Variants in SORCS2 observed in about 807,000 individuals in gnomAD.
The protein encoded by SORCS2 is VPS10 domain-containing receptor SorCS2.
SORCS2 carries 100 observed loss-of-function variants against 141.6 expected under a neutral mutation model. The ratio of observed to expected loss-of-function variants is 0.71; its 90% CI spans 0.60 to 0.83. The LOEUF (loss-of-function observed/expected upper bound fraction) is 0.83, where lower values mean the gene tolerates loss of function less well. Ranked by LOEUF, SORCS2 falls within the 40% of genes least tolerant of loss-of-function variation. The probability of loss-of-function intolerance (pLI) is 0.00; values close to 1 mark genes in which losing one functional copy is unlikely to be tolerated. For synonymous variants in SORCS2, 789 were observed against 676.9 expected, an observed-to-expected ratio of 1.17 and a Z score of -2.57; for missense variants, 1,646 against 1,560.2, an observed-to-expected ratio of 1.05 and a Z score of -0.93.
chr4:7,198,419 G>GTT (rs1218149573), intron 1 of SORCS2, among the ~76,000 whole-genome samples: 2 of 152,198 alleles, frequency 1.3e-5, no homozygotes, highest in Admixed American at 6.5e-5. Context: ...CAAGCTTGGG[G>GTT]TTTTGTATTT....
intron 3 of SORCS2, among the ~76,000 whole-genome samples, chr4:7,532,695 C>A (rs1711759484): frequency 6.6e-6 from 1 of 151,044 alleles, no homozygotes; most frequent in Non-Finnish European, 1.5e-5. Flanking sequence ...CAGCAGCAGT[C>A]TATGGAACGA....
rs754357311 is a variant in SORCS2 at position 7,654,183 on chromosome 4, G to A, written c.863G>A (p.Arg288Gln). Residue 288 changes from arginine to glutamine, a missense_variant, in exon 5 of 27, where the codon CGA becomes CAA. By Grantham distance (43) the Arg-to-Gln change is conservative. Transcript: ENST00000507866. ...AAAAAGTGGACACTTCTGCAAGAGC[G>A]AGTGACCAAAGACCACGTGTTCTGG... ...LGKKWTLLQE[R>Q]VTKDHVFWSV... 37 of 1,582,412 alleles carry A rather than the reference G, an allele frequency of 2.3e-5. No individual in the cohort carries two copies. The highest frequency in any genetic ancestry group is 2.9e-5 in the Non-Finnish European group (34 of 1,162,890).
chr4:7,365,447 A>C (rs982678213), intron 1 of SORCS2, among the ~76,000 whole-genome samples: 2 of 152,148 alleles, frequency 1.3e-5, no homozygotes, highest in African/African-American at 4.8e-5. Context: ...GAGCTGGGAC[A>C]AGAGCCTGGT....
chr4:7,461,342 C>G (rs1450249133), intron 2 of SORCS2, among the ~76,000 whole-genome samples: 1 of 152,204 alleles, frequency 6.6e-6, no homozygotes, highest in Non-Finnish European at 1.5e-5. Flanking sequence ...TCTTCCTCCC[C>G]CAAAGTCCCG....
rs797019486 is a variant in SORCS2, at chr4:7,706,048, G to A, written c.1868+1764G>A. On this transcript the variant is annotated intron_variant, in intron 14 of 26. Transcript: ENST00000507866. ...CTCTGTCTGGGCAGGGATGAGGCTG[G>A]GCTCCGCCTGGGCAGGGATGAGGCT... Among the ~76,000 whole-genome samples, 43 of 130,056 alleles carry A rather than the reference G, an allele frequency of 3.3e-4. 1 individual carries two copies. The highest frequency in any genetic ancestry group is 5.0e-4 in the Non-Finnish European group (30 of 59,530). The allele number at this position is 130,056 out of a possible 152,430, so 85.3% of individuals were successfully genotyped here.
chr4:7,434,511 A>G (rs1188472374), intron 2 of SORCS2: 1 of 1,612,786 alleles, frequency 6.2e-7, no homozygotes, highest in South Asian at 1.1e-5. Context: ...CCGGGGCCCC[A>G]CGGAGCATGC....
intron 2 of SORCS2, among the ~76,000 whole-genome samples, chr4:7,419,760 G>T (rs1453489911): frequency 6.6e-6 from 1 of 152,188 alleles, no homozygotes; most frequent in South Asian, 2.1e-4. Flanking sequence ...AGACATGCTG[G>T]GTCTGCAGGA....
At chr4:7,550,418 G>A (rs936813368) in intron 3 of SORCS2, among the ~76,000 whole-genome samples, 1 of 152,208 alleles carries the variant, frequency 6.6e-6, no homozygotes, top group Non-Finnish European at 1.5e-5. Flanking sequence ...GGACTCCAAG[G>A]TGCTCTGGCA....
chr4:7,663,578 A>C lies in SORCS2; in HGVS notation c.953-775A>C, dbSNP rs58736425. On this transcript the variant is annotated intron_variant, in intron 6 of 26. Transcript: ENST00000507866. The surrounding 1 kb of genome is among the most constrained non-coding windows in gnomAD (Gnocchi z 4.8). Reference sequence around the variant, plus strand: ...ACTGCCTTCTGCCTCCTCTGAACAGACCGGGCAGGTGGGCCCACCCCATTG... The same window carrying C: ...ACTGCCTTCTGCCTCCTCTGAACAGCCCGGGCAGGTGGGCCCACCCCATTG... Among the ~76,000 whole-genome samples the C allele has an allele frequency of 0.046, 6,941 of 152,246 alleles. 543 individuals carry two copies. The highest frequency in any genetic ancestry group is 0.16 in the African/African-American group (6,547 of 41,508).
intron 1 of SORCS2, among the ~76,000 whole-genome samples, chr4:7,238,050 G>T (rs114153920): frequency 2.0e-5 from 3 of 151,946 alleles, no homozygotes; most frequent in African/African-American, 7.3e-5. Context: ...ATCTTCTTTC[G>T]GAAACAATGT....
At chr4:7,630,124 T>C (rs11737254) in intron 3 of SORCS2, among the ~76,000 whole-genome samples, 38,006 of 152,018 alleles carry the variant, frequency 0.25, 6,260 homozygotes, top group East Asian at 0.75. Context: ...CCAAGGCATC[T>C]GGCAAAGTGA....
chr4:7,693,709 A>G (rs114524495), intron 11 of SORCS2, among the ~76,000 whole-genome samples: 4,594 of 152,372 alleles, frequency 0.03, 104 homozygotes, highest in Middle Eastern at 0.058. Context: ...TGGGAGCACC[A>G]CAGCCTGCCC....
chr4:7,612,785 C>T (rs1454101682), intron 3 of SORCS2, among the ~76,000 whole-genome samples: 2 of 151,058 alleles, frequency 1.3e-5, no homozygotes, highest in African/African-American at 2.4e-5. Context: ...ACAGGAGCTT[C>T]GCGGACGTGG....
intron 1 of SORCS2, among the ~76,000 whole-genome samples, chr4:7,291,019 G>T (rs1716564490): frequency 6.6e-6 from 1 of 152,188 alleles, no homozygotes; most frequent in African/African-American, 2.4e-5. Context: ...CCAGGGGTTG[G>T]ACAAGGTCTC....
intron 25 of SORCS2, among the ~76,000 whole-genome samples, chr4:7,736,763 C>A (rs1216738449): frequency 6.6e-6 from 1 of 152,174 alleles, no homozygotes; most frequent in African/African-American, 2.4e-5. Context: ...ATCATGCCCT[C>A]TCCCCACCAC....
At chr4:7,222,715 G>A (rs1470964561) in intron 1 of SORCS2, among the ~76,000 whole-genome samples, 1 of 152,136 alleles carries the variant, frequency 6.6e-6, no homozygotes, top group Non-Finnish European at 1.5e-5. Flanking sequence ...CCCAGGCTGT[G>A]GCAGGAGAGA....
At chr4:7,443,519 G>A (rs1169586824) in intron 2 of SORCS2, among the ~76,000 whole-genome samples, 1 of 152,180 alleles carries the variant, frequency 6.6e-6, no homozygotes. Context: ...CCTACAACCC[G>A]AAACCTTGAG....
At chr4:7,359,614 C>G (rs549126751) in intron 1 of SORCS2, among the ~76,000 whole-genome samples, 1 of 152,232 alleles carries the variant, frequency 6.6e-6, no homozygotes, top group Non-Finnish European at 1.5e-5. Flanking sequence ...CTCCCAAGAT[C>G]CCGGCAGCTG....
chr4:7,203,830 C>A (rs1727599845), intron 1 of SORCS2, among the ~76,000 whole-genome samples: 2 of 152,150 alleles, frequency 1.3e-5, no homozygotes, highest in Admixed American at 6.5e-5. Context: ...CATCACCCTC[C>A]TCCACCCCCG....
Sources: allele counts gnomAD v4.1 joint callset (sites outside exome capture counted in the v4.1 genomes callset), GRCh38; gene constraint gnomAD v4.1.1; non-coding constraint Gnocchi (gnomAD v3.1); transcripts MANE v1.5; gene names NCBI Gene and HGNC (gene_info 2026-07-23, HGNC 2026-07-21).